Variants in RAPGEF1 observed in about 807,000 individuals in gnomAD.
RAPGEF1 encodes the protein CRK SH3-binding GNRP.
RAPGEF1 carries 33 observed loss-of-function variants against 143.3 expected under a neutral mutation model. That is an observed-to-expected ratio of 0.23 (90% CI 0.17 to 0.31). The LOEUF (loss-of-function observed/expected upper bound fraction) is 0.31. Among genes scored for constraint, RAPGEF1 ranks in the 10% least tolerant of loss-of-function variants. RAPGEF1 has a pLI of 1.00. For synonymous variants in RAPGEF1, 629 were observed against 676.5 expected, an observed-to-expected ratio of 0.93 and a Z score of 1.09; for missense variants, 1,199 against 1,645.4, an observed-to-expected ratio of 0.73 and a Z score of 4.69.
chr9:131,588,095 G>T, intron 20 of RAPGEF1, 69 bp from the exon 21 acceptor site: 3 of 1,317,250 alleles, frequency 2.3e-6, no homozygotes, highest in East Asian at 2.4e-5. Context: ...GAGCAGGCCC[G>T]GGCTGCGGGC....
chr9:131,610,278 C>A (rs528157896), intron 12 of RAPGEF1, among the ~76,000 whole-genome samples: 1 of 152,182 alleles, frequency 6.6e-6, no homozygotes, highest in Non-Finnish European at 1.5e-5. Flanking sequence ...TCAGGAAGAG[C>A]GCGTGCCAGA....
At chr9:131,603,897 G>A (rs560705464) in intron 14 of RAPGEF1, 64 bp downstream of exon 14, 2 of 1,052,776 alleles carry the variant, frequency 1.9e-6, no homozygotes, top group East Asian at 6.4e-5. Context: ...AGCGGCCTCG[G>A]GAGGGCAGAG....
Position 131,602,057 on chromosome 9 carries a change from C to T in RAPGEF1, c.2501+4G>A, listed in dbSNP as rs780477472. The T allele has an allele frequency of 6.3e-7, 1 of 1,592,518 alleles. No homozygotes were observed. The highest frequency in any genetic ancestry group is 8.5e-7 in the Non-Finnish European group (1 of 1,171,152). ...GACCCAGCTCCTCTGGGTCCACTTC[C>T]TACCTCTCACTGCCGTCTCTGCTGT... On this transcript the variant is annotated splice_donor_region_variant and intron_variant, in intron 15 of 26. Transcript: ENST00000683357.
intron 1 of RAPGEF1, among the ~76,000 whole-genome samples, chr9:131,654,549 A>G (rs11243463): frequency 0.25 from 37,830 of 152,058 alleles, 5,123 homozygotes; most frequent in Non-Finnish European, 0.31. Context: ...CTACCTACAA[A>G]ATATTAGCTG....
At chr9:131,645,490 T>A (rs1277860885) in intron 3 of RAPGEF1, among the ~76,000 whole-genome samples, 1 of 152,252 alleles carries the variant, frequency 6.6e-6, no homozygotes, top group Non-Finnish European at 1.5e-5. Context: ...AGAGTCAGGC[T>A]GTCCTGGGCT....
chr9:131,712,013 T>C (rs746591745), intron 1 of RAPGEF1, among the ~76,000 whole-genome samples: 5 of 152,220 alleles, frequency 3.3e-5, no homozygotes, highest in Admixed American at 6.5e-5. Flanking sequence ...TAAGGCCTCA[T>C]AATTGATCTA....
chr9:131,582,842 AC>A, intron 24 of RAPGEF1, 140 bp from the exon 25 acceptor site: 1 of 656,394 alleles, frequency 1.5e-6, no homozygotes, highest in Non-Finnish European at 2.5e-6. Context: ...ACGCACAAAC[AC>A]CCAGCCAGGT....
At chr9:131,679,336 C>T (rs1832720147) in intron 1 of RAPGEF1, among the ~76,000 whole-genome samples, 2 of 152,224 alleles carry the variant, frequency 1.3e-5, no homozygotes, top group Admixed American at 1.3e-4. Context: ...GGATGCCCCT[C>T]TCTTCCACTA....
chr9:131,596,024 G>A (rs887079245), intron 17 of RAPGEF1, among the ~76,000 whole-genome samples: 2 of 152,186 alleles, frequency 1.3e-5, no homozygotes, highest in Admixed American at 6.5e-5. Context: ...TGTCTGTGGT[G>A]CGCTTAGTAT....
chr9:131,724,314 G>T (rs773373656), intron 1 of RAPGEF1, among the ~76,000 whole-genome samples: 3 of 152,152 alleles, frequency 2.0e-5, no homozygotes, highest in Non-Finnish European at 2.9e-5. Context: ...AAGTCCACTC[G>T]GCCGGGCACG....
Position 131,589,002 on chromosome 9 carries a change from G to C in RAPGEF1, c.2868-16C>G. The C allele has an allele frequency of 6.2e-7, 1 of 1,609,742 alleles. No individual in the cohort carries two copies. Among genetic ancestry groups the C allele is most frequent in the Non-Finnish European group, 8.5e-7 (1 of 1,177,258 alleles). On this transcript the variant is annotated splice_polypyrimidine_tract_variant and intron_variant, in intron 19 of 26. Transcript: ENST00000683357. ...CTCCACCAGGCTGAAGGACAAAAGA[G>C]CACAAGGTGAGGAGCAGGAACGCAA...
intron 1 of RAPGEF1, among the ~76,000 whole-genome samples, chr9:131,659,400 G>A (rs1009135590): frequency 6.6e-5 from 10 of 151,984 alleles, no homozygotes; most frequent in Admixed American, 2.0e-4. Flanking sequence ...TGTATTTTTG[G>A]TAGAGACAGG....
intron 4 of RAPGEF1, among the ~76,000 whole-genome samples, chr9:131,639,574 A>T (rs1967239024): frequency 6.6e-6 from 1 of 152,102 alleles, no homozygotes; most frequent in Non-Finnish European, 1.5e-5. Flanking sequence ...GAATTTTTAC[A>T]TCTTTCACGT....
At chr9:131,672,716 A>T (rs937316744) in intron 1 of RAPGEF1, among the ~76,000 whole-genome samples, 4 of 152,222 alleles carry the variant, frequency 2.6e-5, no homozygotes, top group Admixed American at 2.6e-4. Context: ...GGGAAGTTCT[A>T]ATCTCATCTC....
At chr9:131,606,181 G>A (rs948470143) in intron 12 of RAPGEF1, among the ~76,000 whole-genome samples, 1 of 152,224 alleles carries the variant, frequency 6.6e-6, no homozygotes, top group Non-Finnish European at 1.5e-5. Context: ...GTTGAGAAGT[G>A]ACAGCAAATC....
At chr9:131,656,918 G>T (rs370688470) in intron 1 of RAPGEF1, among the ~76,000 whole-genome samples, 71 of 152,316 alleles carry the variant, frequency 4.7e-4, no homozygotes, top group Middle Eastern at 3.4e-3. Flanking sequence ...CCTCCTCAGG[G>T]TATCCACCTC....
chr9:131,694,669 G>A (rs1834009312), intron 1 of RAPGEF1, among the ~76,000 whole-genome samples: 3 of 151,774 alleles, frequency 2.0e-5, no homozygotes, highest in Non-Finnish European at 2.9e-5. Flanking sequence ...AAGACTGGAC[G>A]CAGATATCAC....
intron 25 of RAPGEF1, among the ~76,000 whole-genome samples, chr9:131,581,029 C>T (rs1951784959): frequency 6.6e-6 from 1 of 152,020 alleles, no homozygotes; most frequent in Non-Finnish European, 1.5e-5. Flanking sequence ...CCTGTCATCC[C>T]AACTCGGGAG....
chr9:131,664,788 T>C (rs576959324), intron 1 of RAPGEF1, among the ~76,000 whole-genome samples: 4 of 152,256 alleles, frequency 2.6e-5, no homozygotes, highest in Non-Finnish European at 5.9e-5. Context: ...GTGGGTTATA[T>C]TATCATTTAA....
Sources: gnomAD v4.1 joint callset for allele counts (sites outside exome capture counted in the v4.1 genomes callset) on GRCh38, gnomAD v4.1.1 for gene constraint, MANE v1.5 for transcripts, NCBI Gene and HGNC (gene_info 2026-07-23, HGNC 2026-07-21) for gene names.